Variants in ABTB3 observed in about 807,000 individuals in gnomAD.
ABTB3 encodes the protein ankyrin repeat and BTB domain containing 3, also known as ankyrin repeat- and BTB/POZ domain-containing protein 3.
the ABTB3 span, among the ~76,000 whole-genome samples, chr12:107,613,648 A>T: frequency 6.6e-5 from 10 of 152,086 alleles, no homozygotes; most frequent in Non-Finnish European, 1.3e-4. Context: ...GAACTCAGTT[A>T]ATATTGGTCC....
chr12:107,445,624 G>A, the ABTB3 span, among the ~76,000 whole-genome samples: 1 of 152,070 alleles, frequency 6.6e-6, no homozygotes, highest in Admixed American at 6.6e-5. Flanking sequence ...AAAGAGAGAT[G>A]GATGGTTTAT....
the ABTB3 span, among the ~76,000 whole-genome samples, chr12:107,400,661 G>A: frequency 6.6e-6 from 1 of 152,134 alleles, no homozygotes; most frequent in Non-Finnish European, 1.5e-5. Flanking sequence ...CTGGGATGTG[G>A]TAAGTGGTCA....
chr12:107,408,998 CTG>C, the ABTB3 span, among the ~76,000 whole-genome samples: 2 of 152,240 alleles, frequency 1.3e-5, no homozygotes, highest in Non-Finnish European at 2.9e-5. Flanking sequence ...ACTAGGGAAA[CTG>C]TGGGTCTTGG....
chr12:107,522,381 G>A, the ABTB3 span, among the ~76,000 whole-genome samples: 4 of 152,038 alleles, frequency 2.6e-5, no homozygotes, highest in Admixed American at 2.0e-4. Context: ...GGTTTATTGA[G>A]ATATAGTTCA....
chr12:107,425,830 A>G, the ABTB3 span, among the ~76,000 whole-genome samples: 1 of 152,124 alleles, frequency 6.6e-6, no homozygotes, highest in African/African-American at 2.4e-5. Flanking sequence ...GTTGGTGCCA[A>G]TCCTCCCCTA....
chr12:107,462,555 G>A, the ABTB3 span, among the ~76,000 whole-genome samples: 1 of 152,096 alleles, frequency 6.6e-6, no homozygotes, highest in African/African-American at 2.4e-5. Context: ...TGATGGTGAT[G>A]TAGTGATAGT....
chr12:107,419,625 T>G, the ABTB3 span, among the ~76,000 whole-genome samples: 17 of 152,146 alleles, frequency 1.1e-4, no homozygotes, highest in Admixed American at 1.1e-3. Context: ...GCTTAACCCC[T>G]CTGTGCCTTG....
the ABTB3 span, among the ~76,000 whole-genome samples, chr12:107,337,906 G>T: frequency 6.6e-6 from 1 of 152,194 alleles, no homozygotes; most frequent in Non-Finnish European, 1.5e-5. Flanking sequence ...ATGAGTCGTT[G>T]TTTGTGGTCT....
At chr12:107,504,062 C>A in the ABTB3 span, among the ~76,000 whole-genome samples, 1 of 152,126 alleles carries the variant, frequency 6.6e-6, no homozygotes, top group African/African-American at 2.4e-5. Flanking sequence ...CCCAAGGGCT[C>A]CTGGCCTTGG....
the ABTB3 span, among the ~76,000 whole-genome samples, chr12:107,565,858 C>G: frequency 6.6e-6 from 1 of 152,176 alleles, no homozygotes; most frequent in Non-Finnish European, 1.5e-5. Flanking sequence ...GAATATTTTG[C>G]CAGTGTCCAC....
At chr12:107,469,286 TGG>T in the ABTB3 span, among the ~76,000 whole-genome samples, 1 of 152,004 alleles carries the variant, frequency 6.6e-6, no homozygotes, top group African/African-American at 2.4e-5. Flanking sequence ...GAGGAAGGGG[TGG>T]AATTGAGCTT....
At chr12:107,522,827 A>C in the ABTB3 span, among the ~76,000 whole-genome samples, 2 of 150,106 alleles carry the variant, frequency 1.3e-5, no homozygotes, top group South Asian at 2.1e-4. Flanking sequence ...AGGGAAGGGA[A>C]GGAGGGAGGG....
chr12:107,367,651 G>A, the ABTB3 span, among the ~76,000 whole-genome samples: 1 of 152,018 alleles, frequency 6.6e-6, no homozygotes, highest in African/African-American at 2.4e-5. Flanking sequence ...GACTATAGGC[G>A]AACGGCACCA....
At chr12:107,547,743 T>C in the ABTB3 span, among the ~76,000 whole-genome samples, 1 of 152,196 alleles carries the variant, frequency 6.6e-6, no homozygotes, top group Admixed American at 6.5e-5. Flanking sequence ...CGGCTTCTTG[T>C]AGCTCTGTTA....
chr12:107,454,869 A>T, the ABTB3 span, among the ~76,000 whole-genome samples: 2 of 152,180 alleles, frequency 1.3e-5, no homozygotes, highest in African/African-American at 4.8e-5. Flanking sequence ...GGTGCTAATT[A>T]CTCAGTCTTT....
the ABTB3 span, among the ~76,000 whole-genome samples, chr12:107,460,439 G>A: frequency 6.6e-6 from 1 of 152,254 alleles, no homozygotes; most frequent in Non-Finnish European, 1.5e-5. Context: ...TGGATCACCT[G>A]AGTGCAGGAG....
At chr12:107,459,911 G>A in the ABTB3 span, among the ~76,000 whole-genome samples, 58 of 152,310 alleles carry the variant, frequency 3.8e-4, no homozygotes, top group East Asian at 6.0e-3. Context: ...AGAACCCCTG[G>A]CATTCATCTC....
chr12:107,511,632 T>A, the ABTB3 span, among the ~76,000 whole-genome samples: 1 of 152,210 alleles, frequency 6.6e-6, no homozygotes, highest in Non-Finnish European at 1.5e-5. Context: ...CACTTGGAAC[T>A]GGCACCCTAA....
At chr12:107,470,042 C>G in the ABTB3 span, among the ~76,000 whole-genome samples, 1 of 138,580 alleles carries the variant, frequency 7.2e-6, no homozygotes, top group Non-Finnish European at 1.6e-5. Flanking sequence ...CTCTTTCTTT[C>G]TTTCTCTCTT....
Sources: gnomAD v4.1 joint callset for allele counts (sites outside exome capture counted in the v4.1 genomes callset) on GRCh38, gnomAD v4.1.1 for gene constraint, MANE v1.5 for transcripts, NCBI Gene and HGNC (gene_info 2026-07-23, HGNC 2026-07-21) for gene names.